The following SPHK2 variants were observed in gnomAD, a reference collection of about 807,000 sequenced individuals.
SPHK2 encodes sphingosine kinase 2.
A neutral mutation model predicts 32.3 loss-of-function variants in SPHK2; 18 were observed. That is an observed-to-expected ratio of 0.56 (90% confidence interval 0.39 to 0.83). SPHK2 has a LOEUF of 0.83. Ranked by LOEUF, SPHK2 falls within the 40% of genes least tolerant of loss-of-function variation. SPHK2 has a pLI of 0.00. For synonymous variants in SPHK2, 462 were observed against 417.6 expected, an observed-to-expected ratio of 1.11 and a Z score of -1.30; for missense variants, 850 against 908.7, an observed-to-expected ratio of 0.94 and a Z score of 0.83.
At chr19:48,625,398 G>C (rs776169469) in intron 2 of SPHK2, 94 of 1,178,074 alleles carry the variant, frequency 8.0e-5, no homozygotes, top group Admixed American at 1.6e-4. Context: ...GCACCGTATG[G>C]GGGGTGGGGG....
At position 48,629,352 on chromosome 19, in the gene SPHK2, C is replaced by T. The variant is rs147698964; in HGVS notation, c.1544C>T (p.Pro515Leu). 31 of 1,612,428 alleles carry T rather than the reference C, an allele frequency of 1.9e-5. No individual in the cohort carries two copies. The highest frequency in any genetic ancestry group is 1.2e-4 in the African/African-American group (9 of 74,940). ...DARVGASTCGPPDHLLPPLGT... is the reference protein window; with the variant it reads ...DARVGASTCGLPDHLLPPLGT... ...CGGGTAGGGGCCTCCACCTGCGGCC[C>T]GCCCGACCACCTGCTGCCTCCGCTG... Residue 515 changes from proline to leucine, a missense_variant, in exon 7 of 7, where the codon CCG (proline) becomes CTG (leucine). Physicochemically the swap from Pro to Leu is moderately conservative, Grantham distance 98. This residue lies in a region of SPHK2 where 306 missense variants were observed against 268.6 expected (regional missense o/e 1.14). Coordinates refer to ENST00000245222, the MANE Select transcript of SPHK2 (RefSeq NM_020126.5).
In SPHK2 at chr19:48,628,380, G is replaced by T; in HGVS notation, c.872+103G>T. On this transcript the variant is annotated intron_variant, in intron 6 of 6. Coordinates refer to ENST00000245222, the MANE Select transcript of SPHK2 (RefSeq NM_020126.5). The surrounding 1 kb of genome is among the most constrained non-coding windows in gnomAD (Gnocchi z 5.2). Reference sequence around the variant, plus strand: ...AACCCACAGTCAGTCAAGTAAATCAGCCTGCCTGTGGGATGCTCACCCCCA... The same window carrying T: ...AACCCACAGTCAGTCAAGTAAATCATCCTGCCTGTGGGATGCTCACCCCCA... 8.5e-7 allele frequency: 1 copy of T among 1,171,074 alleles called. No homozygotes were observed. The highest frequency in any genetic ancestry group is 1.3e-6 in the Non-Finnish European group (1 of 788,754). The allele number at this position is 1,171,074 out of a possible 1,614,324, so 72.5% of individuals were successfully genotyped here.
At position 48,626,051 on chromosome 19, in the gene SPHK2, T is replaced by C; in HGVS notation, c.200T>C (p.Leu67Pro). Reference sequence around the variant, plus strand: ...CCAGCCCGAGGCCCACGCTTTGCCCTCACCCTTACATCGCAGGCCCTGCAC... The same window carrying C: ...CCAGCCCGAGGCCCACGCTTTGCCCCCACCCTTACATCGCAGGCCCTGCAC... ...SYPARGPRFALTLTSQALHIQ... is the reference protein window; with the variant it reads ...SYPARGPRFAPTLTSQALHIQ... Residue 67 changes from leucine to proline, a missense_variant, in exon 3 of 7, where the codon CTC (leucine) becomes CCC (proline). Leu to Pro is a moderately conservative substitution (Grantham distance 98, BLOSUM62 -3). Coordinates refer to ENST00000245222, the MANE Select transcript of SPHK2 (RefSeq NM_020126.5). The C allele has an allele frequency of 6.2e-7, 1 of 1,613,320 alleles. No homozygotes were observed. The highest frequency in any genetic ancestry group is 8.5e-7 in the Non-Finnish European group (1 of 1,179,860).
rs1433274279 is a variant in SPHK2, at chr19:48,628,102, G to A, written c.756+33G>A. ...AGGAGCACCCTGCCCCTAGCCCTGG[G>A]CCCTGGGGGACTATAGAGACTGCCA... On this transcript the variant is annotated intron_variant, in intron 5 of 6. Coordinates refer to ENST00000245222, the MANE Select transcript of SPHK2 (RefSeq NM_020126.5). The surrounding 1 kb of genome is among the most constrained non-coding windows in gnomAD (Gnocchi z 5.2). 6.3e-7 allele frequency: 1 copy of A among 1,584,198 alleles called. No homozygotes were observed. The highest frequency in any genetic ancestry group is 1.4e-5 in the African/African-American group (1 of 73,944).
Position 48,628,381 on chromosome 19 carries a change from C to A in SPHK2, c.872+104C>A. On this transcript the variant is annotated intron_variant, in intron 6 of 6. Transcript: ENST00000245222. The surrounding 1 kb of genome is among the most constrained non-coding windows in gnomAD (Gnocchi z 5.2). ...ACCCACAGTCAGTCAAGTAAATCAG[C>A]CTGCCTGTGGGATGCTCACCCCCAG... is the stretch of plus-strand genomic sequence containing the variant. The A allele has an allele frequency of 8.6e-7, 1 of 1,167,540 alleles. No homozygotes were observed. The highest frequency in any genetic ancestry group is 1.3e-6 in the Non-Finnish European group (1 of 785,466). The allele number at this position is 1,167,540 out of a possible 1,614,324, so 72.3% of individuals were successfully genotyped here. A position where few individuals can be genotyped will look rare whatever the true frequency, so the allele number is the denominator to read the frequency against.
At chr19:48,620,667 T>G in intron 2 of SPHK2, 114 bp downstream of exon 2, 1 of 905,230 alleles carries the variant, frequency 1.1e-6, no homozygotes, top group African/African-American at 1.7e-5. Context: ...CTCAAGCTTG[T>G]AATCCCAGCA....
intron 2 of SPHK2, chr19:48,624,020 G>A (rs1974507843): frequency 1.3e-5 from 2 of 152,230 alleles, no homozygotes; most frequent in African/African-American, 4.8e-5. Context: ...CTGGGCCTTT[G>A]TTACGCGTGT....
At chr19:48,620,369 C>G in intron 1 of SPHK2, 33 bp from the exon 2 acceptor site, 1 of 600,790 alleles carries the variant, frequency 1.7e-6, no homozygotes, top group Non-Finnish European at 2.8e-6. Flanking sequence ...AGTTGGCTGT[C>G]AATGCTGCTC....
Position 48,630,342 on chromosome 19 carries a change from G to A in SPHK2, c.*569G>A. 1.5e-6 allele frequency: 2 copies of A among 1,308,760 alleles called. No homozygotes were observed. Among genetic ancestry groups the A allele is most frequent in the South Asian group, 2.3e-5 (1 of 43,288 alleles). The allele number at this position is 1,308,760 out of a possible 1,614,324, so 81.1% of individuals were successfully genotyped here. On this transcript the variant is annotated 3_prime_UTR_variant, in exon 7 of 7. Coordinates refer to ENST00000245222, the MANE Select transcript of SPHK2 (RefSeq NM_020126.5). This position sits in a 1 kb window ranked among gnomAD's most constrained non-coding sequence, Gnocchi z 4.9. Reference sequence around the variant, plus strand: ...CCTGTTCGTCTCATGCGCGTCCTCCGTCCCCAATCTAAAAAGCAATTGAAA... The same window carrying A: ...CCTGTTCGTCTCATGCGCGTCCTCCATCCCCAATCTAAAAAGCAATTGAAA...
At chr19:48,624,271 C>T (rs1462826377) in intron 2 of SPHK2, 4 of 152,348 alleles carry the variant, frequency 2.6e-5, no homozygotes, top group Non-Finnish European at 5.9e-5. Flanking sequence ...GCACCAAGCT[C>T]GCGAGCTGAC....
rs766493544 is a variant in SPHK2 at position 48,629,797 on chromosome 19, C to G, written c.*24C>G. ...GAAACTAAACAAGCTTGGTACCCGC[C>G]GGGGGCGGGGCCTACATTCCAATGG... On this transcript the variant is annotated 3_prime_UTR_variant, in exon 7 of 7. Transcript: ENST00000245222. 2 of 1,534,294 alleles carry G rather than the reference C, an allele frequency of 1.3e-6. No homozygotes were observed.
intron 2 of SPHK2, among the ~76,000 whole-genome samples, chr19:48,622,768 T>G (rs1487760304): frequency 8.3e-5 from 12 of 143,802 alleles, no homozygotes; most frequent in African/African-American, 3.0e-4. Context: ...TTTTTTTTTT[T>G]TTTTTTTTTT....
At position 48,626,349 on chromosome 19, in the gene SPHK2, G is replaced by A. The variant is rs1974623938; in HGVS notation, c.498G>A (p.Leu166=). The A allele has an allele frequency of 6.3e-7, 1 of 1,585,826 alleles. No individual in the cohort carries two copies. The highest frequency in any genetic ancestry group is 8.5e-7 in the Non-Finnish European group (1 of 1,174,442). The change falls in exon 3 of 7, where the codon CTG becomes CTA. Residue 166 remains leucine (L), a synonymous_variant. Transcript: ENST00000245222. ...ALTCLLRGLP[L]PGDGEITPDL... is the part of the protein sequence containing the mutation. ...CCTGTCTGCTCCGAGGACTGCCACT[G>A]CCCGGGGATGGGGGTGAGGTGCTGG...
chr19:48,628,823 T>G lies in SPHK2; in HGVS notation c.1015T>G (p.Phe339Val). The G allele has an allele frequency of 6.2e-7, 1 of 1,613,770 alleles. No individual in the cohort carries two copies. The highest frequency in any genetic ancestry group is 8.5e-7 in the Non-Finnish European group (1 of 1,180,020). ...CFSFLSVAWGFVSDVDIQSER... is the reference protein window; with the variant it reads ...CFSFLSVAWGVVSDVDIQSER... ...CTCCTTCCTGTCTGTGGCCTGGGGC[T>G]TCGTGTCAGATGTGGATATCCAGAG... is the stretch of plus-strand genomic sequence containing the variant. The change falls in exon 7 of 7, where the codon TTC (phenylalanine) becomes GTC (valine). Residue 339 changes from phenylalanine to valine, a missense_variant. Around this residue, in one of 2 missense-constraint regions of SPHK2, gnomAD observed 544 missense variants for 640.0 expected, o/e 0.85. Transcript: ENST00000245222. The surrounding 1 kb of genome is among the most constrained non-coding windows in gnomAD (Gnocchi z 5.2).
chr19:48,628,775 C>T lies in SPHK2; in HGVS notation c.967C>T (p.Leu323=). ...GHPLDLLSVT[L]ASGSRCFSFL... The stretch of plus-strand genomic sequence containing the variant: ...CCCACTGGACCTGCTCTCCGTGACG[C>T]TGGCCTCGGGCTCCCGCTGTTTCTC... Residue 323 remains leucine (L), a synonymous_variant, in exon 7 of 7, where the codon CTG becomes TTG. Coordinates refer to ENST00000245222, the MANE Select transcript of SPHK2 (RefSeq NM_020126.5). This position sits in a 1 kb window ranked among gnomAD's most constrained non-coding sequence, Gnocchi z 5.2. The T allele has an allele frequency of 6.2e-7, 1 of 1,613,474 alleles. No individual in the cohort carries two copies. The highest frequency in any genetic ancestry group is 8.5e-7 in the Non-Finnish European group (1 of 1,180,034).
At chr19:48,627,911 G>C (rs1160788031) in intron 4 of SPHK2, 64 bp from the exon 5 acceptor site, 1 of 1,571,328 alleles carries the variant, frequency 6.4e-7, no homozygotes, top group Non-Finnish European at 8.7e-7. Context: ...GTGGTGGGTG[G>C]GACTCCTGGG....
In SPHK2 at chr19:48,628,572, T is replaced by C. The variant is rs1264484832; in HGVS notation, c.873-109T>C. The stretch of plus-strand genomic sequence containing the variant: ...GGTGGCCCCACGGCTGTGGTGGGCC[T>C]GGGCCATGGCCTTCGTGGTCTCATT... On this transcript the variant is annotated intron_variant, in intron 6 of 6. Transcript: ENST00000245222. The surrounding 1 kb of genome is among the most constrained non-coding windows in gnomAD (Gnocchi z 5.2). 30 of 1,399,054 alleles carry C rather than the reference T, an allele frequency of 2.1e-5. No homozygotes were observed. The East Asian group carries it at 6.9e-4, about 32-fold the overall frequency. The allele number at this position is 1,399,054 out of a possible 1,614,324, so 86.7% of individuals were successfully genotyped here.
chr19:48,626,932 G>C (rs1391172034), intron 3 of SPHK2: 1 of 151,840 alleles, frequency 6.6e-6, no homozygotes, highest in East Asian at 1.9e-4. Flanking sequence ...TCGGGAGTTC[G>C]AGACCAGCCT....
rs763254269 is a variant in SPHK2, at chr19:48,626,234, G to C, written c.383G>C (p.Arg128Pro). The stretch of plus-strand genomic sequence containing the variant: ...TACCCTCGGGGCCGGCGCGGGGCCC[G>C]GCGCAGAGCCACTCGCACCTTCCGG... ...YTYPRGRRGA[R>P]RRATRTFRAD... is the part of the protein sequence containing the mutation. Residue 128 changes from arginine (R) to proline (P), a missense_variant, in exon 3 of 7, where the codon CGG becomes CCG. This residue lies in a region of SPHK2 where 544 missense variants were observed against 640.0 expected (regional missense o/e 0.85). Transcript: ENST00000245222. 2 of 1,595,424 alleles carry C rather than the reference G, an allele frequency of 1.3e-6. No homozygotes were observed. Among genetic ancestry groups the C allele is most frequent in the Admixed American group, 1.7e-5 (1 of 58,770 alleles).
Sources: gnomAD v4.1 joint callset for allele counts (sites outside exome capture counted in the v4.1 genomes callset) on GRCh38, gnomAD v4.1.1 for gene constraint, gnomAD v4.1.1 regional missense constraint, Gnocchi (gnomAD v3.1) non-coding constraint, MANE v1.5 for transcripts, NCBI Gene and HGNC (gene_info 2026-07-23, HGNC 2026-07-21) for gene names.